The following MEIS2 variants were observed in gnomAD, a reference collection of about 807,000 sequenced individuals.
The protein encoded by MEIS2 is homeobox protein Meis2.
In MEIS2, 9 loss-of-function variants were observed where a neutral mutation model predicts 58.6. The ratio of observed to expected loss-of-function variants is 0.15; its 90% CI spans 0.09 to 0.27. The LOEUF (loss-of-function observed/expected upper bound fraction) is 0.27, where lower values mean the gene tolerates loss of function less well. MEIS2 is among the 10% of genes least tolerant of loss of function. The pLI is 1.00. For synonymous variants in MEIS2, 221 were observed against 228.4 expected (o/e 0.97, Z 0.29); for missense variants, 427 against 635.0 (o/e 0.67, Z 3.52).
chr15:36,929,883 A>G (rs2057902966), intron 9 of MEIS2, among the ~76,000 whole-genome samples: 1 of 152,148 alleles, frequency 6.6e-6, no homozygotes. Flanking sequence ...ATCGGTTGTC[A>G]AGAAGAAATC....
At chr15:36,920,147 T>G (rs1048392875) in intron 9 of MEIS2, among the ~76,000 whole-genome samples, 1 of 151,620 alleles carries the variant, frequency 6.6e-6, no homozygotes, top group Non-Finnish European at 1.5e-5. Context: ...TATTTATTTA[T>G]TTATTTATTT....
At chr15:36,960,177 G>A (rs747495237) in intron 8 of MEIS2, among the ~76,000 whole-genome samples, 1 of 151,992 alleles carries the variant, frequency 6.6e-6, no homozygotes, top group Non-Finnish European at 1.5e-5. Context: ...TGCACTGAAG[G>A]TCTAGTTGGA....
chr15:37,060,746 T>C (rs956441692), intron 7 of MEIS2, among the ~76,000 whole-genome samples: 1 of 152,188 alleles, frequency 6.6e-6, no homozygotes, highest in Non-Finnish European at 1.5e-5. Context: ...TCTGTTACTG[T>C]GAATCTGATG....
At position 37,055,501 on chromosome 15, in the gene MEIS2, A is replaced by T. The variant is rs1409349050; in HGVS notation, c.755-18542T>A. On this transcript the variant is annotated intron_variant, in intron 7 of 11. Transcript: ENST00000561208. ...AGAGCTCTCAACATTAAACAACATTACTCGACTTCGGAAACCTTCCACCAC... is the reference window on the plus strand; with the variant it reads ...AGAGCTCTCAACATTAAACAACATTTCTCGACTTCGGAAACCTTCCACCAC... Among the ~76,000 whole-genome samples the T allele has an allele frequency of 6.6e-5, 10 of 152,228 alleles. No homozygotes were observed. In the South Asian group the frequency reaches 1.7e-3, roughly 25 times the overall value.
intron 8 of MEIS2, among the ~76,000 whole-genome samples, chr15:36,986,706 A>G (rs909546859): frequency 6.6e-6 from 1 of 152,172 alleles, no homozygotes. Context: ...GCCTTCTAGG[A>G]TCTGCTGACC....
At chr15:36,994,890 C>A (rs1052205132) in intron 8 of MEIS2, among the ~76,000 whole-genome samples, 2 of 152,136 alleles carry the variant, frequency 1.3e-5, no homozygotes, top group Admixed American at 1.3e-4. Context: ...CGCTTTTATC[C>A]TTTGCTTGAA....
chr15:37,023,136 A>G (rs2061582491), intron 8 of MEIS2, among the ~76,000 whole-genome samples: 1 of 152,202 alleles, frequency 6.6e-6, no homozygotes, highest in Non-Finnish European at 1.5e-5. Flanking sequence ...AATCTATCAC[A>G]GTTTTTCTTT....
chr15:37,095,591 A>G lies in MEIS2; in HGVS notation c.411T>C (p.Phe137=). Residue 137 remains phenylalanine, a synonymous_variant, in exon 4 of 12, where the codon TTT becomes TTC. Transcript: ENST00000561208. The part of the protein sequence containing the change: ...AKQVRAEKPL[F]SSNPELDNLM... ...AATTGTCCAGCTCTGGATTTGAGGA[A>G]AAAAGTGGCTTTTCGGCGCGAACCT... 1.2e-6 allele frequency: 2 copies of G among 1,614,202 alleles called. No homozygotes were observed. Among genetic ancestry groups the G allele is most frequent in the Non-Finnish European group, 1.7e-6 (2 of 1,180,030 alleles).
In MEIS2 at chr15:37,052,286, T is replaced by A. The variant is rs1476247960; in HGVS notation, c.755-15327A>T. ...AAATGGAAGTAACATTTGTGGACTG[T>A]CTACTACATGCCAGTTTCAGCAGGC... is the stretch of plus-strand genomic sequence containing the variant. On this transcript the variant is annotated intron_variant, in intron 7 of 11. Transcript: ENST00000561208. 2.0e-5 allele frequency among the ~76,000 whole-genome samples: 3 copies of A among 152,342 alleles called. No individual in the cohort carries two copies. In the South Asian group the frequency reaches 6.2e-4, roughly 32 times the overall value.
intron 9 of MEIS2, among the ~76,000 whole-genome samples, chr15:36,924,819 G>A (rs184272162): frequency 6.6e-6 from 1 of 152,306 alleles, no homozygotes; most frequent in South Asian, 2.1e-4. Context: ...TCCGCAGCAA[G>A]TGTGACAACC....
At chr15:36,932,155 A>C (rs1385083620) in intron 9 of MEIS2, among the ~76,000 whole-genome samples, 1 of 152,216 alleles carries the variant, frequency 6.6e-6, no homozygotes, top group Non-Finnish European at 1.5e-5. Flanking sequence ...ACCAAAGCAG[A>C]CTTAATCGCT....
intron 3 of MEIS2, 130 bp from the exon 4 acceptor site, chr15:37,095,744 A>C (rs1356971457): frequency 1.5e-6 from 2 of 1,310,236 alleles, no homozygotes; most frequent in African/African-American, 3.0e-5. Flanking sequence ...ACAAGAAAGA[A>C]ACTGGTGCCT....
chr15:36,988,815 A>C (rs1056334197), intron 8 of MEIS2, among the ~76,000 whole-genome samples: 8 of 152,232 alleles, frequency 5.3e-5, no homozygotes, highest in Non-Finnish European at 1.0e-4. Flanking sequence ...AGAATTTCTG[A>C]AGCATTTTAA....
intron 1 of MEIS2, chr15:37,099,190 T>C: frequency 7.1e-7 from 1 of 1,404,778 alleles, no homozygotes; most frequent in Non-Finnish European, 9.3e-7. Flanking sequence ...CACACACCAC[T>C]CACACGCACT....
intron 8 of MEIS2, 90 bp from the exon 9 acceptor site, chr15:36,950,490 T>A: frequency 1.6e-6 from 2 of 1,234,444 alleles, no homozygotes; most frequent in Non-Finnish European, 2.4e-6. Flanking sequence ...TGGTGATTTC[T>A]TTAGTCTATG....
chr15:36,961,906 G>A (rs1454693668), intron 8 of MEIS2, among the ~76,000 whole-genome samples: 7 of 152,120 alleles, frequency 4.6e-5, no homozygotes, highest in Non-Finnish European at 1.5e-5. Context: ...TTAGAAATTA[G>A]TAGTATATCT....
At chr15:37,070,409 GT>G (rs1473738869) in intron 7 of MEIS2, among the ~76,000 whole-genome samples, 1 of 152,108 alleles carries the variant, frequency 6.6e-6, no homozygotes, top group Non-Finnish European at 1.5e-5. Context: ...TCCAGAGTGT[GT>G]TCTGAGAAAG....
chr15:37,037,002 G>C, intron 7 of MEIS2, 43 bp from the exon 8 acceptor site: 1 of 1,557,028 alleles, frequency 6.4e-7, no homozygotes, highest in Admixed American at 1.9e-5. Flanking sequence ...AACATCGCAA[G>C]GTGCCAACAA....
At chr15:36,918,109 A>C (rs899267519) in intron 9 of MEIS2, among the ~76,000 whole-genome samples, 1 of 152,232 alleles carries the variant, frequency 6.6e-6, no homozygotes, top group Non-Finnish European at 1.5e-5. Context: ...AGACTGTATA[A>C]CAAGCCACAT....
Sources: allele counts gnomAD v4.1 joint callset (sites outside exome capture counted in the v4.1 genomes callset), GRCh38; gene constraint gnomAD v4.1.1; transcripts MANE v1.5; gene names NCBI Gene and HGNC (gene_info 2026-07-23, HGNC 2026-07-21).